Variants in TAF4B observed in about 807,000 individuals in gnomAD.
TAF4B encodes transcription initiation factor TFIID subunit 4B.
A neutral mutation model predicts 86.4 loss-of-function variants in TAF4B; 38 were observed. The observed-to-expected ratio is 0.44, with a 90% CI of 0.34 to 0.58. The LOEUF (loss-of-function observed/expected upper bound fraction) is 0.58, where lower values mean the gene tolerates loss of function less well. Ranked by LOEUF, TAF4B falls within the 20% of genes least tolerant of loss-of-function variation. The pLI, the probability that TAF4B is intolerant of heterozygous loss-of-function variation, is 0.02. For missense variants in TAF4B, 988 were observed against 1,027.6 expected (o/e 0.96, Z 0.53); for synonymous variants, 388 against 391.2 (o/e 0.99, Z 0.10).
At chr18:26,341,702 A>G (rs1281521044) in intron 13 of TAF4B, among the ~76,000 whole-genome samples, 5 of 151,178 alleles carry the variant, frequency 3.3e-5, no homozygotes, top group South Asian at 2.1e-4. Flanking sequence ...TGGTTGGGAG[A>G]AAAAAAAATA....
chr18:26,281,385 T>C (rs1170580754), intron 5 of TAF4B, among the ~76,000 whole-genome samples: 2 of 152,206 alleles, frequency 1.3e-5, no homozygotes, highest in Non-Finnish European at 2.9e-5. Context: ...TTATTAAGTA[T>C]ATAATATGTC....
chr18:26,322,808 GT>G (rs2056973797), intron 11 of TAF4B, among the ~76,000 whole-genome samples: 1 of 150,758 alleles, frequency 6.6e-6, no homozygotes, highest in African/African-American at 2.4e-5. Flanking sequence ...TTTTTTTTTA[GT>G]TTCATAAGAT....
chr18:26,274,720 G>A lies in TAF4B; in HGVS notation c.655G>A (p.Val219Ile). The change falls in exon 4 of 15, where the codon GTA becomes ATA. Residue 219 changes from valine to isoleucine, a missense_variant. By Grantham distance (29) the Val-to-Ile change is conservative. This residue lies in a region of TAF4B where 747 missense variants were observed against 737.9 expected (regional missense o/e 1.01). Coordinates refer to ENST00000269142, the MANE Select transcript of TAF4B (RefSeq NM_005640.3). ...TACTCCTGGAAAGCCATTGAATACT[G>A]TAACTACCCTGAAGCCTTCAAGTTT... Reference protein sequence around the residue: ...TVTPGKPLNTVTTLKPSSLGA... With the variant: ...TVTPGKPLNTITTLKPSSLGA... 1 of 1,614,160 alleles carries A rather than the reference G, an allele frequency of 6.2e-7. No individual in the cohort carries two copies. Among genetic ancestry groups the A allele is most frequent in the Non-Finnish European group, 8.5e-7 (1 of 1,180,016 alleles).
At chr18:26,346,777 GTGTGTATA>G (rs1229472292) in intron 13 of TAF4B, among the ~76,000 whole-genome samples, 1 of 14,282 alleles carries the variant, frequency 7.0e-5, no homozygotes, top group African/African-American at 1.9e-4. Flanking sequence ...ATATATATGT[GTGTGTATA>G]TATATATATA....
At chr18:26,337,002 CTG>C (rs2057097390) in intron 13 of TAF4B, among the ~76,000 whole-genome samples, 1 of 152,152 alleles carries the variant, frequency 6.6e-6, no homozygotes, top group Admixed American at 6.5e-5. Flanking sequence ...TCAAAGAAAT[CTG>C]TGAGAGGAAA....
chr18:26,307,216 T>C (rs1181577242), intron 9 of TAF4B, among the ~76,000 whole-genome samples: 1 of 152,204 alleles, frequency 6.6e-6, no homozygotes, highest in Non-Finnish European at 1.5e-5. Context: ...CATTTAATAA[T>C]ATAGAATGAT....
intron 1 of TAF4B, chr18:26,256,425 A>G (rs2056085533): frequency 1.2e-6 from 1 of 865,394 alleles, no homozygotes; most frequent in Non-Finnish European, 2.0e-6. Context: ...CGAGGTGCAG[A>G]GTGCACGCCA....
At chr18:26,272,616 C>G (rs72880131) in intron 3 of TAF4B, among the ~76,000 whole-genome samples, 6,534 of 152,050 alleles carry the variant, frequency 0.043, 179 homozygotes, top group Non-Finnish European at 0.059. Flanking sequence ...GGGAGGGGGA[C>G]AGTACACCCC....
chr18:26,257,174 A>G (rs1022756638), intron 1 of TAF4B, among the ~76,000 whole-genome samples: 13 of 152,140 alleles, frequency 8.5e-5, no homozygotes, highest in African/African-American at 3.1e-4. Context: ...TCTTCATTGA[A>G]AGTGGGGTAT....
At chr18:26,249,000 C>T (rs2055963284) in intron 1 of TAF4B, among the ~76,000 whole-genome samples, 1 of 150,618 alleles carries the variant, frequency 6.6e-6, no homozygotes, top group Admixed American at 6.6e-5. Flanking sequence ...GGTGAAACAC[C>T]ATCTCTACTA....
intron 5 of TAF4B, among the ~76,000 whole-genome samples, chr18:26,279,539 T>A (rs1432717348): frequency 1.1e-4 from 12 of 111,474 alleles, no homozygotes; most frequent in Admixed American, 9.2e-5. Context: ...CCAAAACAAT[T>A]AGAAGCAAAA....
intron 14 of TAF4B, among the ~76,000 whole-genome samples, chr18:26,378,615 C>G (rs2057458459): frequency 6.6e-6 from 1 of 152,066 alleles, no homozygotes. Context: ...AATTTATATA[C>G]AATAGAATGT....
intron 1 of TAF4B, among the ~76,000 whole-genome samples, chr18:26,262,612 AG>A (rs1207368782): frequency 1.3e-5 from 2 of 151,682 alleles, no homozygotes; most frequent in Non-Finnish European, 1.5e-5. Context: ...GTTACTACTC[AG>A]GATTACAGGT....
intron 13 of TAF4B, among the ~76,000 whole-genome samples, chr18:26,346,335 A>G (rs563534923): frequency 6.7e-6 from 1 of 149,642 alleles, no homozygotes; most frequent in Non-Finnish European, 1.5e-5. Flanking sequence ...CAAAAAAAGA[A>G]TGAAGAAAGC....
intron 14 of TAF4B, among the ~76,000 whole-genome samples, chr18:26,362,460 T>A (rs2057339272): frequency 6.6e-6 from 1 of 152,204 alleles, no homozygotes; most frequent in African/African-American, 2.4e-5. Flanking sequence ...CTCCTTTGAA[T>A]TTGTCACAAA....
At position 26,280,860 on chromosome 18, in the gene TAF4B, C is replaced by T. The variant is rs906573447; in HGVS notation, c.883-1111C>T. ...AAGACATATGCACTTGTATGTTTAT[C>T]GCAGCACTACTCAAAACAGCCAAGA... On this transcript the variant is annotated intron_variant, in intron 5 of 14. Transcript: ENST00000269142. Among the ~76,000 whole-genome samples the T allele has an allele frequency of 4.6e-5, 7 of 152,176 alleles. No individual in the cohort carries two copies. The East Asian group carries it at 5.8e-4, about 13-fold the overall frequency.
intron 2 of TAF4B, chr18:26,266,871 CAAAA>C (rs33937266): frequency 6.6e-6 from 1 of 151,102 alleles, no homozygotes; most frequent in African/African-American, 2.4e-5. Flanking sequence ...CAAAACAAAA[CAAAA>C]AAAACAAACA....
At chr18:26,303,333 T>TCCACTTTCATACCC (rs2056760403) in intron 9 of TAF4B, among the ~76,000 whole-genome samples, 1 of 20,334 alleles carries the variant, frequency 4.9e-5, no homozygotes, top group Non-Finnish European at 9.3e-5. Flanking sequence ...CTTTCATACC[T>TCCACTTTCATACCC]CCTCCACTTT....
chr18:26,279,183 G>T (rs2056417068), intron 5 of TAF4B, among the ~76,000 whole-genome samples: 1 of 152,104 alleles, frequency 6.6e-6, no homozygotes, highest in South Asian at 2.1e-4. Flanking sequence ...AAGTTTCAGG[G>T]TACAAAATCA....
Sources: gnomAD v4.1 joint callset for allele counts (sites outside exome capture counted in the v4.1 genomes callset) on GRCh38, gnomAD v4.1.1 for gene constraint, gnomAD v4.1.1 regional missense constraint, MANE v1.5 for transcripts, NCBI Gene and HGNC (gene_info 2026-07-23, HGNC 2026-07-21) for gene names.